Variants in MYH10 observed in about 807,000 individuals in gnomAD.
MYH10 encodes myosin-10.
MYH10 carries 55 observed loss-of-function variants against 257.8 expected under a neutral mutation model. The ratio of observed to expected loss-of-function variants is 0.21; its 90% CI spans 0.17 to 0.27. MYH10 has a LOEUF of 0.27. MYH10 is among the 10% of genes least tolerant of loss of function. The pLI, the probability that MYH10 is intolerant of heterozygous loss-of-function variation, is 1.00. For synonymous variants in MYH10, 854 were observed against 921.7 expected, an observed-to-expected ratio of 0.93 and a Z score of 1.33; for missense variants, 1,631 against 2,500.6, an observed-to-expected ratio of 0.65 and a Z score of 7.42.
intron 4 of MYH10, among the ~76,000 whole-genome samples, chr17:8,580,636 A>C (rs1281807226): frequency 6.6e-6 from 1 of 152,110 alleles, no homozygotes; most frequent in African/African-American, 2.4e-5. Context: ...TGTTCCTATC[A>C]ATCTCTTTTC....
chr17:8,597,197 A>G (rs2152064076), intron 3 of MYH10, among the ~76,000 whole-genome samples: 1 of 152,336 alleles, frequency 6.6e-6, no homozygotes, highest in Non-Finnish European at 1.5e-5. Context: ...AAAATGTTGA[A>G]TGTTAAAATG....
At position 8,477,064 on chromosome 17, in the gene MYH10, T is replaced by C. The variant is rs1912785513; in HGVS notation, c.5707-16A>G. On this transcript the variant is annotated splice_polypyrimidine_tract_variant and intron_variant, in intron 41 of 42. Coordinates refer to ENST00000360416, the MANE Select transcript of MYH10 (RefSeq NM_001256012.3). The surrounding 1 kb of genome is among the most constrained non-coding windows in gnomAD (Gnocchi z 4.2). Reference sequence around the variant, plus strand: ...CCTTCTCCATCTTGGGGAGGGTACATGAACCAAAACAAACCAAACTGGTGA... The same window carrying C: ...CCTTCTCCATCTTGGGGAGGGTACACGAACCAAAACAAACCAAACTGGTGA... 6.8e-6 allele frequency: 11 copies of C among 1,613,504 alleles called. No homozygotes were observed. The highest frequency in any genetic ancestry group is 1.3e-5 in the African/African-American group (1 of 75,048).
intron 17 of MYH10, among the ~76,000 whole-genome samples, chr17:8,527,040 A>G (rs1467095095): frequency 6.6e-6 from 1 of 152,190 alleles, no homozygotes; most frequent in Non-Finnish European, 1.5e-5. Context: ...AGGTAAGACA[A>G]TTCCACCCTC....
At position 8,548,407 on chromosome 17, in the gene MYH10, T is replaced by C. The variant is rs749064471; in HGVS notation, c.1065A>G (p.Ser355=). 1.9e-6 allele frequency: 3 copies of C among 1,557,204 alleles called. No individual in the cohort carries two copies. In the South Asian group the frequency reaches 3.5e-5, roughly 18 times the overall value. ...GCACTGAAGATACTACTTTAAGCAT[T>C]GCTTCATATTGATAAAAAGAAAAAA... ...IMGFSHEEIL[S]MLKVVSSVLQ... is the part of the protein sequence containing the mutation. The change falls in exon 11 of 43, where the codon TCA becomes TCG. Residue 355 remains serine (S), a splice_region_variant and synonymous_variant. Transcript: ENST00000360416.
intron 29 of MYH10, among the ~76,000 whole-genome samples, chr17:8,500,589 T>C (rs1242325134): frequency 6.6e-6 from 1 of 152,132 alleles, no homozygotes; most frequent in Non-Finnish European, 1.5e-5. Flanking sequence ...GAGGACTGTG[T>C]GGTTTGAGAT....
At chr17:8,544,678 A>C (rs1382008762) in intron 13 of MYH10, among the ~76,000 whole-genome samples, 1 of 152,206 alleles carries the variant, frequency 6.6e-6, no homozygotes, top group African/African-American at 2.4e-5. Flanking sequence ...TTTGTGCCGT[A>C]CTATATTTAC....
intron 37 of MYH10, 97 bp from the exon 38 acceptor site, chr17:8,481,507 A>G: frequency 9.8e-7 from 1 of 1,015,230 alleles, no homozygotes; most frequent in Non-Finnish European, 1.5e-6. Flanking sequence ...TGCTCCTGTC[A>G]CTGTTTACCT....
At position 8,477,191 on chromosome 17, in the gene MYH10, G is replaced by A. The variant is rs1169695094; in HGVS notation, c.5707-143C>T. ...CACGGATGTACACGCGTGCCTGGGG[G>A]CTGGTCGGAGGCTCTGTAACCGGCC... On this transcript the variant is annotated intron_variant, in intron 41 of 42. Transcript: ENST00000360416. The surrounding 1 kb of genome is among the most constrained non-coding windows in gnomAD (Gnocchi z 4.2). 4 of 857,900 alleles carry A rather than the reference G, an allele frequency of 4.7e-6. No individual in the cohort carries two copies. The highest frequency in any genetic ancestry group is 5.2e-5 in the East Asian group (2 of 38,386). The allele number at this position is 857,900 out of a possible 1,614,324, so 53.1% of individuals were successfully genotyped here. A position where few individuals can be genotyped will look rare whatever the true frequency, so the allele number is the denominator to read the frequency against.
intron 14 of MYH10, among the ~76,000 whole-genome samples, chr17:8,539,188 C>A (rs994788058): frequency 3.3e-5 from 5 of 152,148 alleles, no homozygotes; most frequent in Admixed American, 6.5e-5. Context: ...AAATCAATTT[C>A]TTTTCTTTAT....
At chr17:8,493,467 G>A (rs145701946) in intron 32 of MYH10, among the ~76,000 whole-genome samples, 26 of 152,206 alleles carry the variant, frequency 1.7e-4, no homozygotes, top group African/African-American at 6.0e-4. Context: ...GTCTTAGACT[G>A]TCACTTAATT....
intron 17 of MYH10, among the ~76,000 whole-genome samples, chr17:8,527,698 G>A (rs1163873031): frequency 6.6e-6 from 1 of 152,210 alleles, no homozygotes; most frequent in Admixed American, 6.5e-5. Context: ...CACTCCCCAT[G>A]TGCCACGCAT....
At position 8,623,232 on chromosome 17, in the gene MYH10, A is replaced by G. The variant is rs2085535068; in HGVS notation, c.15T>C (p.Thr5=). The G allele has an allele frequency of 3.1e-6, 5 of 1,587,698 alleles. No homozygotes were observed. The South Asian group carries it at 5.8e-5, about 18-fold the overall frequency. ...GATACCTCTCTGGATCCTCGAGTCC[A>G]GTTCTCTGCGCCATTGTAAATGGAA... MAQR[T]GLEDPERYLF... is the part of the protein sequence containing the mutation. The change falls in exon 2 of 43, where the codon ACT becomes ACC. Residue 5 remains threonine, a synonymous_variant. Transcript: ENST00000360416.
At chr17:8,508,809 T>G in intron 25 of MYH10, 132 bp from the exon 26 acceptor site, 1 of 1,012,078 alleles carries the variant, frequency 9.9e-7, no homozygotes, top group Non-Finnish European at 1.4e-6. Flanking sequence ...CAGCAGACTG[T>G]ACACAATCAC....
chr17:8,536,243 C>T (rs1014888127), intron 14 of MYH10, among the ~76,000 whole-genome samples: 15 of 151,992 alleles, frequency 9.9e-5, no homozygotes, highest in African/African-American at 3.1e-4. Context: ...AAGCCAGAAA[C>T]GCAGTGGGAA....
chr17:8,516,056 C>G (rs1476034689), intron 21 of MYH10, among the ~76,000 whole-genome samples: 1 of 152,182 alleles, frequency 6.6e-6, no homozygotes, highest in Admixed American at 6.5e-5. Flanking sequence ...GAGTCAGAAA[C>G]ATGCCGGGCA....
Position 8,548,345 on chromosome 17 carries a change from T to C in MYH10, c.1127A>G (p.Asn376Ser). The C allele has an allele frequency of 6.2e-7, 1 of 1,613,100 alleles. No homozygotes were observed. The highest frequency in any genetic ancestry group is 1.7e-5 in the Admixed American group (1 of 59,938). Residue 376 changes from asparagine (N) to serine (S), a missense_variant, in exon 11 of 43, where the codon AAT (asparagine) becomes AGT (serine). Physicochemically the swap from Asn to Ser is conservative, Grantham distance 46 (BLOSUM62 1). Transcript: ENST00000360416. Reference protein sequence around the residue: ...FGNISFKKERNTDQASMPENT... With the variant: ...FGNISFKKERSTDQASMPENT... The stretch of plus-strand genomic sequence containing the variant: ...TTCTGGCATGGAAGCTTGATCAGTA[T>C]TTCTCTCCTTTTTGAAAGAAATATT...
At chr17:8,530,065 A>G (rs1322894607) in intron 17 of MYH10, among the ~76,000 whole-genome samples, 1 of 152,218 alleles carries the variant, frequency 6.6e-6, no homozygotes, top group Non-Finnish European at 1.5e-5. Flanking sequence ...CTGGTTGAAA[A>G]GAAAAGGCCA....
intron 2 of MYH10, among the ~76,000 whole-genome samples, chr17:8,609,174 T>C (rs1195579439): frequency 6.6e-6 from 1 of 152,192 alleles, no homozygotes; most frequent in East Asian, 1.9e-4. Flanking sequence ...GCTATGTATA[T>C]GCATTGTTTC....
chr17:8,492,194 A>C, intron 34 of MYH10, 103 bp downstream of exon 34: 1 of 1,154,656 alleles, frequency 8.7e-7, no homozygotes, highest in Non-Finnish European at 1.2e-6. Flanking sequence ...GTGCATTCCC[A>C]GGTCCTTCAG....
Sources: gnomAD v4.1 joint callset for allele counts (sites outside exome capture counted in the v4.1 genomes callset) on GRCh38, gnomAD v4.1.1 for gene constraint, Gnocchi (gnomAD v3.1) non-coding constraint, MANE v1.5 for transcripts, NCBI Gene and HGNC (gene_info 2026-07-23, HGNC 2026-07-21) for gene names.